Variants in ZNF562 observed in about 807,000 individuals in gnomAD.
ZNF562 encodes zinc finger protein 562.
ZNF562 carries 13 observed loss-of-function variants against 17.5 expected under a neutral mutation model. The ratio of observed to expected loss-of-function variants is 0.74; its 90% CI spans 0.48 to 1.18. The LOEUF is 1.18. Among genes scored for constraint, ZNF562 ranks in the 50% most tolerant of loss-of-function variants. The pLI, the probability that ZNF562 is intolerant of heterozygous loss-of-function variation, is 0.00. For synonymous variants in ZNF562, 163 were observed against 165.4 expected, an observed-to-expected ratio of 0.99 and a Z score of 0.11; for missense variants, 481 against 498.5, an observed-to-expected ratio of 0.96 and a Z score of 0.33.
At chr19:9,656,871 A>AAAAAATATATATATATATATATAT (rs376933513) in intron 4 of ZNF562, among the ~76,000 whole-genome samples, 1 of 142,436 alleles carries the variant, frequency 7.0e-6, no homozygotes, top group African/African-American at 2.6e-5. Context: ...AAAATACAAA[A>AAAAAATATATATATATATATATAT]ATATATATAT....
At position 9,648,044 on chromosome 19, in the gene ZNF562, C is replaced by A. The variant is rs1315801668; in HGVS notation, c.*4905G>T. 1 of 152,148 alleles carries A rather than the reference C, an allele frequency of 6.6e-6. No homozygotes were observed. The highest frequency in any genetic ancestry group is 1.5e-5 in the Non-Finnish European group (1 of 68,034). The allele number at this position is 152,148 out of a possible 1,614,324, so 9.4% of individuals were successfully genotyped here. A position where few individuals can be genotyped will look rare whatever the true frequency, so the allele number is the denominator to read the frequency against. ...ACAGGCCTGAGCCACTATTCCCAAC[C>A]TAGATGACTCTTATAGATTAAGAAT... is the stretch of plus-strand genomic sequence containing the variant. On this transcript the variant is annotated 3_prime_UTR_variant, in exon 6 of 6. Transcript: ENST00000453372.
intron 1 of ZNF562, among the ~76,000 whole-genome samples, chr19:9,672,314 A>T (rs1470338650): frequency 6.6e-6 from 1 of 152,176 alleles, no homozygotes; most frequent in Non-Finnish European, 1.5e-5. Flanking sequence ...GTGAAATACT[A>T]GTATTGTGGT....
chr19:9,669,768 ACAC>A (rs2044109835), intron 1 of ZNF562, among the ~76,000 whole-genome samples: 1 of 151,306 alleles, frequency 6.6e-6, no homozygotes, highest in Non-Finnish European at 1.5e-5. Flanking sequence ...ACACACACAC[ACAC>A]ACACAACCAG....
At chr19:9,668,961 A>T (rs567419760) in intron 1 of ZNF562, among the ~76,000 whole-genome samples, 1 of 151,614 alleles carries the variant, frequency 6.6e-6, no homozygotes, top group Admixed American at 6.6e-5. Flanking sequence ...AAAAAAAAAA[A>T]GTCAAAACAG....
At chr19:9,669,798 A>G (rs1457839863) in intron 1 of ZNF562, among the ~76,000 whole-genome samples, 1 of 149,904 alleles carries the variant, frequency 6.7e-6, no homozygotes, top group Non-Finnish European at 1.5e-5. Flanking sequence ...ACAGTAGCTC[A>G]TGCCTGTAAT....
Position 9,647,604 on chromosome 19 carries a change from G to C in ZNF562, c.*5345C>G, listed in dbSNP as rs1311669129. 1 of 152,030 alleles carries C rather than the reference G, an allele frequency of 6.6e-6. No homozygotes were observed. The highest frequency in any genetic ancestry group is 1.5e-5 in the Non-Finnish European group (1 of 68,000). 9.4% of individuals were successfully genotyped at this position (152,030 alleles called of 1,614,324 possible). ...ACAGTGGCTTGTGCCTGTAATCCCAGTACTTTGGGAGTATGAGGCATGCAG... is the reference window on the plus strand; with the variant it reads ...ACAGTGGCTTGTGCCTGTAATCCCACTACTTTGGGAGTATGAGGCATGCAG... On this transcript the variant is annotated 3_prime_UTR_variant, in exon 6 of 6. Transcript: ENST00000453372.
In ZNF562 at chr19:9,657,106, T is replaced by C. The variant is rs116904615; in HGVS notation, c.242-453A>G. The stretch of plus-strand genomic sequence containing the variant: ...TTTTGGTATGTCAAAAATTTGGCTA[T>C]AAGGATGTGGGGTTTATTACACAAC... On this transcript the variant is annotated intron_variant, in intron 4 of 5. Coordinates refer to ENST00000453372, the MANE Select transcript of ZNF562 (RefSeq NM_001130031.2). Among the ~76,000 whole-genome samples, 18 of 149,674 alleles carry C rather than the reference T, an allele frequency of 1.2e-4. No individual in the cohort carries two copies. The East Asian group carries it at 2.7e-3, about 23-fold the overall frequency.
intron 3 of ZNF562, among the ~76,000 whole-genome samples, chr19:9,659,118 C>T (rs1401171442): frequency 6.6e-6 from 1 of 152,150 alleles, no homozygotes. Flanking sequence ...GTCACCGCAC[C>T]CAGCAATGTA....
intron 1 of ZNF562, among the ~76,000 whole-genome samples, chr19:9,670,320 C>T (rs2044141429): frequency 6.6e-6 from 1 of 152,062 alleles, no homozygotes; most frequent in South Asian, 2.1e-4. Flanking sequence ...TCTGGAATCC[C>T]ATTGGGTATA....
In ZNF562 at chr19:9,648,276, C is replaced by G. The variant is rs1442003505; in HGVS notation, c.*4673G>C. ...CAAGGTTGATGTAACATTGGAAAAG[C>G]AATAAATACAAATACCACATTTATT... On this transcript the variant is annotated 3_prime_UTR_variant, in exon 6 of 6. Coordinates refer to ENST00000453372, the MANE Select transcript of ZNF562 (RefSeq NM_001130031.2). 6.6e-6 allele frequency: 1 copy of G among 152,134 alleles called. No homozygotes were observed. The highest frequency in any genetic ancestry group is 2.4e-5 in the African/African-American group (1 of 41,442). The allele number at this position is 152,134 out of a possible 1,614,324, so 9.4% of individuals were successfully genotyped here.
chr19:9,668,974 T>G lies in ZNF562; in HGVS notation c.-131+6041A>C, dbSNP rs150764614. On this transcript the variant is annotated intron_variant, in intron 1 of 5. Transcript: ENST00000453372. ...ATAAAAAAAAAAAGTCAAAACAGAT[T>G]AAAGACTTACATCTAACACCTGAAA... 1.1e-4 allele frequency among the ~76,000 whole-genome samples: 17 copies of G among 151,490 alleles called. No individual in the cohort carries two copies. The East Asian group carries it at 3.1e-3, about 28-fold the overall frequency.
chr19:9,655,357 G>T (rs2043425372), intron 5 of ZNF562, among the ~76,000 whole-genome samples: 1 of 152,106 alleles, frequency 6.6e-6, no homozygotes, highest in Non-Finnish European at 1.5e-5. Flanking sequence ...ATATGTACTT[G>T]TCGGTATTTT....
At chr19:9,665,815 GA>G (rs2043935156) in intron 1 of ZNF562, among the ~76,000 whole-genome samples, 1 of 152,042 alleles carries the variant, frequency 6.6e-6, no homozygotes, top group South Asian at 2.1e-4. Flanking sequence ...AGGAGTTCAA[GA>G]CCTGCCTGGG....
Position 9,657,948 on chromosome 19 carries a change from C to T in ZNF562, c.241+61G>A. ...TCCAGCGATTCTCCCACCTCAGCCT[C>T]CCAAGTATCTGGGACTACAGGTGCA... is the stretch of plus-strand genomic sequence containing the variant. On this transcript the variant is annotated intron_variant, in intron 4 of 5. Coordinates refer to ENST00000453372, the MANE Select transcript of ZNF562 (RefSeq NM_001130031.2). 3 of 1,550,670 alleles carry T rather than the reference C, an allele frequency of 1.9e-6. No homozygotes were observed. The South Asian group carries it at 3.7e-5, about 19-fold the overall frequency.
rs950408966 is a variant in ZNF562 at position 9,651,971 on chromosome 19, G to A, written c.*978C>T. On this transcript the variant is annotated 3_prime_UTR_variant, in exon 6 of 6. Transcript: ENST00000453372. Reference sequence around the variant, plus strand: ...GGAGACCTGAATTGCAGAAGAAATTGTTAAGGAAAAAGGAACCAGAACTTG... The same window carrying A: ...GGAGACCTGAATTGCAGAAGAAATTATTAAGGAAAAAGGAACCAGAACTTG... The A allele has an allele frequency of 1.2e-4, 18 of 152,170 alleles. No homozygotes were observed. Among genetic ancestry groups the A allele is most frequent in the African/African-American group, 4.1e-4 (17 of 41,450 alleles). The allele number at this position is 152,170 out of a possible 1,614,324, so 9.4% of individuals were successfully genotyped here. A position where few individuals can be genotyped will look rare whatever the true frequency, so the allele number is the denominator to read the frequency against.
At chr19:9,669,705 TGCAC>T (rs1414276990) in intron 1 of ZNF562, among the ~76,000 whole-genome samples, 12 of 103,044 alleles carry the variant, frequency 1.2e-4, no homozygotes, top group Middle Eastern at 4.7e-3. Context: ...CCTGTCTGCA[TGCAC>T]GCGCGCGAGC....
intron 1 of ZNF562, among the ~76,000 whole-genome samples, chr19:9,672,289 T>C (rs1054006519): frequency 2.0e-5 from 3 of 152,206 alleles, no homozygotes; most frequent in Non-Finnish European, 4.4e-5. Context: ...GATGACATTA[T>C]TATTTTTAAT....
At chr19:9,661,820 T>G (rs1252944286) in intron 1 of ZNF562, among the ~76,000 whole-genome samples, 2 of 151,916 alleles carry the variant, frequency 1.3e-5, no homozygotes, top group Non-Finnish European at 2.9e-5. Context: ...AAAAGAAATG[T>G]GTAAGGAAGG....
At chr19:9,665,306 C>T (rs1185283607) in intron 1 of ZNF562, among the ~76,000 whole-genome samples, 3 of 151,812 alleles carry the variant, frequency 2.0e-5, no homozygotes, top group Non-Finnish European at 4.4e-5. Context: ...ATTTCCATAT[C>T]CACAACACCC....
Sources: gnomAD v4.1 joint callset for allele counts (sites outside exome capture counted in the v4.1 genomes callset) on GRCh38, gnomAD v4.1.1 for gene constraint, MANE v1.5 for transcripts, NCBI Gene and HGNC (gene_info 2026-07-23, HGNC 2026-07-21) for gene names.